Variants in NOL4L observed in about 807,000 individuals in gnomAD.
NOL4L encodes nucleolar protein 4 like.
NOL4L carries 7 observed loss-of-function variants against 64.5 expected under a neutral mutation model. That is an observed-to-expected ratio of 0.11 (90% CI 0.06 to 0.20). The LOEUF (loss-of-function observed/expected upper bound fraction) is 0.20, where lower values mean the gene tolerates loss of function less well. Ranked by LOEUF, NOL4L falls within the 10% of genes least tolerant of loss-of-function variation. NOL4L has a pLI of 1.00. For synonymous variants in NOL4L, 413 were observed against 401.0 expected (o/e 1.03, Z -0.36); for missense variants, 680 against 967.1 (o/e 0.70, Z 3.94).
intron 4 of NOL4L, among the ~76,000 whole-genome samples, chr20:32,476,965 G>A (rs1053403219): frequency 5.3e-5 from 8 of 152,212 alleles, no homozygotes; most frequent in African/African-American, 9.6e-5. Flanking sequence ...ACAAGCTGCT[G>A]GGTTTGAGGA....
At chr20:32,513,462 G>A (rs2017500738) in intron 3 of NOL4L, among the ~76,000 whole-genome samples, 1 of 152,190 alleles carries the variant, frequency 6.6e-6, no homozygotes, top group Non-Finnish European at 1.5e-5. Flanking sequence ...GAGGGAATGG[G>A]ACGTTATTGC....
intron 6 of NOL4L, chr20:32,454,078 C>T (rs534050507): frequency 1.5e-4 from 49 of 322,548 alleles, no homozygotes; most frequent in African/African-American, 9.4e-4. Flanking sequence ...GAGGCCAACA[C>T]CAGGACCTGC....
intron 4 of NOL4L, among the ~76,000 whole-genome samples, chr20:32,502,420 C>T (rs2016957798): frequency 6.6e-6 from 1 of 150,436 alleles, no homozygotes; most frequent in Non-Finnish European, 1.5e-5. Flanking sequence ...GGGTGAAACC[C>T]CGTCTCTACT....
chr20:32,552,369 C>T (rs1464761546), intron 1 of NOL4L, among the ~76,000 whole-genome samples: 2 of 151,320 alleles, frequency 1.3e-5, no homozygotes, highest in Non-Finnish European at 2.9e-5. Flanking sequence ...TCTACGGGTA[C>T]TTGATTAATT....
At chr20:32,554,308 G>A (rs1978508239) in intron 1 of NOL4L, among the ~76,000 whole-genome samples, 1 of 129,110 alleles carries the variant, frequency 7.7e-6, no homozygotes, top group Non-Finnish European at 1.5e-5. Flanking sequence ...GCGACAGAGT[G>A]AGACTCTGCC....
At chr20:32,552,800 C>G (rs1381674407) in intron 1 of NOL4L, among the ~76,000 whole-genome samples, 1 of 152,090 alleles carries the variant, frequency 6.6e-6, no homozygotes, top group Non-Finnish European at 1.5e-5. Context: ...GTCAGGAGTT[C>G]GAGACCAGCC....
chr20:32,459,968 G>A (rs1457296433), intron 5 of NOL4L, among the ~76,000 whole-genome samples: 1 of 152,186 alleles, frequency 6.6e-6, no homozygotes, highest in East Asian at 1.9e-4. Context: ...ATAAAAACAC[G>A]AGGCTGTGGG....
intron 6 of NOL4L, among the ~76,000 whole-genome samples, chr20:32,455,672 C>A (rs1034738068): frequency 1.3e-4 from 20 of 152,132 alleles, no homozygotes; most frequent in African/African-American, 4.8e-4. Context: ...AGGAGGAGTT[C>A]CACTGCCCAC....
rs796150771 is a variant in NOL4L at position 32,528,754 on chromosome 20, T to C, written c.322-841A>G. ...GGAAGGGAACGGACTGCTGGGGAAC[T>C]GCTCCGTGCAGGCAGTCCTCACAAG... is the stretch of plus-strand genomic sequence containing the variant. On this transcript the variant is annotated intron_variant, in intron 1 of 10. Transcript: ENST00000621426. Among the ~76,000 whole-genome samples the C allele has an allele frequency of 2.0e-5, 3 of 152,198 alleles. No individual in the cohort carries two copies. In the South Asian group the frequency reaches 6.2e-4, roughly 31 times the overall value.
At chr20:32,488,965 CTTTTTTT>C (rs1174304651) in intron 4 of NOL4L, among the ~76,000 whole-genome samples, 3 of 45,078 alleles carry the variant, frequency 6.7e-5, no homozygotes, top group South Asian at 6.2e-4. Flanking sequence ...AATTGTTGGT[CTTTTTTT>C]TTTTTTTTTT....
intron 4 of NOL4L, among the ~76,000 whole-genome samples, chr20:32,510,895 C>T (rs2017369700): frequency 1.3e-5 from 2 of 152,172 alleles, no homozygotes; most frequent in African/African-American, 2.4e-5. Flanking sequence ...GGCCAGGAGG[C>T]CCCAGGTCCA....
intron 1 of NOL4L, among the ~76,000 whole-genome samples, chr20:32,556,203 C>T (rs1024403942): frequency 6.6e-6 from 1 of 152,000 alleles, no homozygotes; most frequent in African/African-American, 2.4e-5. Flanking sequence ...TATTCCCCGA[C>T]CAAAACAGCA....
At chr20:32,494,252 GGAAAAAAAAA>G (rs369019342) in intron 4 of NOL4L, among the ~76,000 whole-genome samples, 2 of 27,094 alleles carry the variant, frequency 7.4e-5, no homozygotes, top group East Asian at 4.5e-3. Context: ...GATAATCTCG[GGAAAAAAAAA>G]AAAAAAAAAA....
chr20:32,568,865 C>A (rs1433637554), intron 1 of NOL4L, among the ~76,000 whole-genome samples: 2 of 152,184 alleles, frequency 1.3e-5, no homozygotes, highest in African/African-American at 4.8e-5. Flanking sequence ...GGACTGCAGG[C>A]TGCTTGTGTG....
At position 32,503,246 on chromosome 20, in the gene NOL4L, T is replaced by G. The variant is rs533390930; in HGVS notation, c.699+8101A>C. ...ACAGGATGAAGGTTTGGGCTATAGA[T>G]TCTCAGATACTGAAAATGTGGTCGA... On this transcript the variant is annotated intron_variant, in intron 4 of 10. Coordinates refer to ENST00000621426, the MANE Select transcript of NOL4L (RefSeq NM_001256798.2). Among the ~76,000 whole-genome samples, 120 of 152,330 alleles carry G rather than the reference T, an allele frequency of 7.9e-4. 1 individual carries two copies. The highest frequency in any genetic ancestry group is 3.4e-3 in the Middle Eastern group (1 of 294).
At chr20:32,555,342 T>C (rs1978583284) in intron 1 of NOL4L, among the ~76,000 whole-genome samples, 1 of 152,144 alleles carries the variant, frequency 6.6e-6, no homozygotes, top group Non-Finnish European at 1.5e-5. Flanking sequence ...GAGCAAGTTT[T>C]GCTCTATTGC....
intron 5 of NOL4L, among the ~76,000 whole-genome samples, chr20:32,468,118 G>A (rs1203375822): frequency 6.6e-6 from 1 of 152,156 alleles, no homozygotes; most frequent in Non-Finnish European, 1.5e-5. Context: ...AGAAGCTGTG[G>A]CCCAGAGTTG....
At position 32,474,528 on chromosome 20, in the gene NOL4L, C is replaced by T. The variant is rs140881276; in HGVS notation, c.841+73G>A. 1.5e-4 allele frequency: 235 copies of T among 1,531,960 alleles called. No homozygotes were observed. In the African/African-American group the frequency reaches 2.9e-3, roughly 19 times the overall value. The allele number at this position is 1,531,960 out of a possible 1,614,324, so 94.9% of individuals were successfully genotyped here. On this transcript the variant is annotated intron_variant, in intron 5 of 10. Transcript: ENST00000621426. Reference sequence around the variant, plus strand: ...CCGCCACCCTGGAGTGTGTCCACACCTCTCACCTGAGGACAACTGGGAGCA... The same window carrying T: ...CCGCCACCCTGGAGTGTGTCCACACTTCTCACCTGAGGACAACTGGGAGCA...
intron 1 of NOL4L, among the ~76,000 whole-genome samples, chr20:32,531,367 C>T (rs918045042): frequency 1.7e-4 from 25 of 147,046 alleles, no homozygotes; most frequent in African/African-American, 6.2e-4. Context: ...ATTTCTATAC[C>T]TTTTTTTTTT....
Sources: allele counts gnomAD v4.1 joint callset (sites outside exome capture counted in the v4.1 genomes callset), GRCh38; gene constraint gnomAD v4.1.1; transcripts MANE v1.5; gene names NCBI Gene and HGNC (gene_info 2026-07-23, HGNC 2026-07-21).